Variants in PTPRD observed in about 807,000 individuals in gnomAD.
PTPRD encodes receptor-type tyrosine-protein phosphatase delta.
Under a neutral mutation model 214.5 loss-of-function variants are expected in PTPRD, and 34 were observed. That is an observed-to-expected ratio of 0.16 (90% confidence interval 0.12 to 0.21). PTPRD has a LOEUF of 0.21. Ranked by LOEUF, PTPRD falls within the 10% of genes least tolerant of loss-of-function variation. The probability of loss-of-function intolerance (pLI) is 1.00; values close to 1 mark genes in which losing one functional copy is unlikely to be tolerated. For synonymous variants in PTPRD, 1,128 were observed against 845.7 expected (o/e 1.33, Z -5.79); for missense variants, 2,545 against 2,398.7 (o/e 1.06, Z -1.27).
chr9:8,960,510 C>T (rs886141100), intron 11 of PTPRD, among the ~76,000 whole-genome samples: 3 of 152,046 alleles, frequency 2.0e-5, no homozygotes, highest in African/African-American at 7.2e-5. Flanking sequence ...ATCTGACATC[C>T]AAGGTTCAAA....
chr9:8,713,654 C>G, intron 12 of PTPRD: 4 of 1,517,042 alleles, frequency 2.6e-6, no homozygotes, highest in Non-Finnish European at 3.6e-6. Flanking sequence ...GACATGGGCG[C>G]CCGGCACCGC....
chr9:10,493,466 T>G (rs2132819058), intron 2 of PTPRD, among the ~76,000 whole-genome samples: 1 of 152,224 alleles, frequency 6.6e-6, no homozygotes, highest in Non-Finnish European at 1.5e-5. Flanking sequence ...CTATGTGACC[T>G]TTGACAAACC....
intron 2 of PTPRD, among the ~76,000 whole-genome samples, chr9:10,592,158 T>C (rs183296588): frequency 6.6e-6 from 1 of 151,990 alleles, no homozygotes; most frequent in East Asian, 1.9e-4. Context: ...CAAAACATCC[T>C]AGGAATTGGT....
At chr9:8,960,759 T>C (rs1478611436) in intron 11 of PTPRD, among the ~76,000 whole-genome samples, 1 of 152,090 alleles carries the variant, frequency 6.6e-6, no homozygotes, top group African/African-American at 2.4e-5. Context: ...GCTGGCAAAT[T>C]ATGTGTCATT....
intron 8 of PTPRD, among the ~76,000 whole-genome samples, chr9:9,512,569 T>C (rs889730445): frequency 1.3e-5 from 2 of 151,922 alleles, no homozygotes; most frequent in African/African-American, 4.8e-5. Flanking sequence ...TTAATAACTA[T>C]CTTTTCTCAT....
rs374586265 is a variant in PTPRD, at chr9:9,712,875, T to G, written c.-287+21658A>C. On this transcript the variant is annotated intron_variant, in intron 7 of 45. Coordinates refer to ENST00000381196, the MANE Select transcript of PTPRD (RefSeq NM_002839.4). The stretch of plus-strand genomic sequence containing the variant: ...GGTATTTGTTTTTAATAGGTTATGT[T>G]ATTGCTATAGTGACAGAAAGAACTG... 1.7e-3 allele frequency among the ~76,000 whole-genome samples: 253 copies of G among 152,326 alleles called. 1 individual carries two copies. The highest frequency in any genetic ancestry group is 5.8e-3 in the African/African-American group (240 of 41,574).
In PTPRD at chr9:8,499,829, G is replaced by A. The variant is rs1220058466; in HGVS notation, c.2140C>T (p.Pro714Ser). ...GCCTCTACCTCGACTTTGCGAGGAG[G>A]ACCACTAGGAACTGGAACAACATCA... ...IRTNEDVPSG[P>S]PRKVEVEAVN... The change falls in exon 25 of 46, where the codon CCT becomes TCT. Residue 714 changes from proline to serine, a missense_variant. Pro to Ser is a moderately conservative substitution (Grantham distance 74, BLOSUM62 -1). Transcript: ENST00000381196. The A allele has an allele frequency of 2.5e-6, 4 of 1,610,270 alleles. No individual in the cohort carries two copies. Among genetic ancestry groups the A allele is most frequent in the African/African-American group, 1.3e-5 (1 of 74,762 alleles).
intron 11 of PTPRD, among the ~76,000 whole-genome samples, chr9:8,839,299 A>G (rs2097507651): frequency 7.7e-6 from 1 of 129,052 alleles, no homozygotes; most frequent in Non-Finnish European, 1.6e-5. Flanking sequence ...GACCAAGGGG[A>G]TTTTATTTAT....
intron 5 of PTPRD, among the ~76,000 whole-genome samples, chr9:9,903,916 T>A (rs2153813747): frequency 6.6e-6 from 1 of 152,266 alleles, no homozygotes; most frequent in Non-Finnish European, 1.5e-5. Flanking sequence ...GTCAATCAAC[T>A]AATAGGGTCA....
chr9:9,252,231 TC>T (rs1317196895), intron 9 of PTPRD, among the ~76,000 whole-genome samples: 1 of 152,018 alleles, frequency 6.6e-6, no homozygotes, highest in Non-Finnish European at 1.5e-5. Context: ...ACAGCATACT[TC>T]CCTTTTGTAC....
intron 10 of PTPRD, among the ~76,000 whole-genome samples, chr9:9,119,946 T>TA (rs1351027752): frequency 6.6e-6 from 1 of 152,070 alleles, no homozygotes; most frequent in African/African-American, 2.4e-5. Flanking sequence ...TTATATACAT[T>TA]AAAAAAATTC....
intron 8 of PTPRD, among the ~76,000 whole-genome samples, chr9:9,425,011 A>G (rs1007172529): frequency 1.3e-5 from 2 of 152,136 alleles, no homozygotes; most frequent in Non-Finnish European, 2.9e-5. Flanking sequence ...CAGAAGTGTT[A>G]TTATATCAGT....
At chr9:10,458,625 T>A (rs1200080298) in intron 2 of PTPRD, among the ~76,000 whole-genome samples, 1 of 152,130 alleles carries the variant, frequency 6.6e-6, no homozygotes. Flanking sequence ...TCCTTTAACA[T>A]CTGGTACGAA....
intron 8 of PTPRD, among the ~76,000 whole-genome samples, chr9:9,490,987 T>C (rs9696849): frequency 0.49 from 73,610 of 150,094 alleles, 18,714 homozygotes; most frequent in East Asian, 0.64. Flanking sequence ...ATGAACATTG[T>C]CTAAAAGTTA....
intron 2 of PTPRD, among the ~76,000 whole-genome samples, chr9:10,406,537 T>C (rs2098362855): frequency 6.6e-6 from 1 of 151,540 alleles, no homozygotes; most frequent in Admixed American, 6.6e-5. Flanking sequence ...AGAGCAAGCA[T>C]CACCTGTTCT....
chr9:8,584,433 T>C (rs1326096398), intron 14 of PTPRD, among the ~76,000 whole-genome samples: 1 of 150,656 alleles, frequency 6.6e-6, no homozygotes, highest in Non-Finnish European at 1.5e-5. Context: ...TTGGTATTGG[T>C]ACTAACTGAT....
chr9:8,438,013 G>C (rs2095418668), intron 34 of PTPRD, among the ~76,000 whole-genome samples: 1 of 152,066 alleles, frequency 6.6e-6, no homozygotes, highest in Non-Finnish European at 1.5e-5. Flanking sequence ...ACAAAAACCT[G>C]AACTAGCATG....
intron 14 of PTPRD, among the ~76,000 whole-genome samples, chr9:8,535,385 C>T (rs2031211): frequency 0.99 from 150,205 of 152,024 alleles, 74,216 homozygotes; most frequent in East Asian, 1. Context: ...TCTGCAAAGC[C>T]AATAAATACC....
chr9:8,799,402 T>C (rs1333821619), intron 11 of PTPRD, among the ~76,000 whole-genome samples: 1 of 152,198 alleles, frequency 6.6e-6, no homozygotes, highest in Non-Finnish European at 1.5e-5. Flanking sequence ...TTCTTTGAAG[T>C]TTCCCTGCTG....
Sources: allele counts gnomAD v4.1 joint callset (sites outside exome capture counted in the v4.1 genomes callset), GRCh38; gene constraint gnomAD v4.1.1; transcripts MANE v1.5; gene names NCBI Gene and HGNC (gene_info 2026-07-23, HGNC 2026-07-21).